PLD1: variants seen among roughly 807,000 people sequenced by gnomAD.
PLD1 encodes choline phosphatase 1.
In PLD1, 112 loss-of-function variants were observed where a neutral mutation model predicts 137.1. That is an observed-to-expected ratio of 0.82 (90% CI 0.70 to 0.96). The LOEUF (loss-of-function observed/expected upper bound fraction) is 0.96, where lower values mean the gene tolerates loss of function less well. Among genes scored for constraint, PLD1 ranks in the 40% least tolerant of loss-of-function variants. PLD1 has a pLI of 0.00. For synonymous variants in PLD1, 431 were observed against 454.7 expected, an observed-to-expected ratio of 0.95 and a Z score of 0.66; for missense variants, 1,321 against 1,342.0, an observed-to-expected ratio of 0.98 and a Z score of 0.24.
intron 1 of PLD1, chr3:171,792,380 G>A (rs896870373): frequency 2.8e-6 from 1 of 356,498 alleles, no homozygotes; most frequent in African/African-American, 2.1e-5. Context: ...CATATACTAA[G>A]AGTAGTGGGG....
chr3:171,707,998 A>G (rs927012308), intron 11 of PLD1, among the ~76,000 whole-genome samples: 3 of 152,260 alleles, frequency 2.0e-5, no homozygotes, highest in Admixed American at 1.3e-4. Flanking sequence ...AAAACCGGAT[A>G]GAGTAAAATA....
intron 1 of PLD1, among the ~76,000 whole-genome samples, chr3:171,761,279 A>G (rs2108307707): frequency 6.6e-6 from 1 of 152,226 alleles, no homozygotes. Context: ...CAAGTCACTC[A>G]CTTTCTAATA....
At chr3:171,615,374 G>A (rs1343483951) in intron 24 of PLD1, among the ~76,000 whole-genome samples, 1 of 152,048 alleles carries the variant, frequency 6.6e-6, no homozygotes, top group Non-Finnish European at 1.5e-5. Context: ...TGTGAATATG[G>A]CAAAATACAA....
intron 11 of PLD1, among the ~76,000 whole-genome samples, chr3:171,702,880 G>T (rs1321294818): frequency 1.3e-5 from 2 of 152,048 alleles, no homozygotes; most frequent in African/African-American, 4.8e-5. Context: ...ATTTAATGAG[G>T]TCAGCATTAT....
In PLD1 at chr3:171,743,156, G is replaced by A. The variant is rs190448145; in HGVS notation, c.-31-5074C>T. Among the ~76,000 whole-genome samples, 100 of 152,344 alleles carry A rather than the reference G, an allele frequency of 6.6e-4. 1 individual carries two copies. The highest frequency in any genetic ancestry group is 1.5e-4 in the Non-Finnish European group (10 of 68,028). On this transcript the variant is annotated intron_variant, in intron 1 of 26. Transcript: ENST00000351298. ...CTCATGCTTCCTCCCTTGGGAAGCT[G>A]TGAGGAGCAAATGTGATCATGGATA...
Position 171,612,411 on chromosome 3 carries a change from C to A in PLD1, c.2750G>T (p.Arg917Leu). 6.2e-7 allele frequency: 1 copy of A among 1,613,990 alleles called. No homozygotes were observed. Among genetic ancestry groups the A allele is most frequent in the East Asian group, 2.2e-5 (1 of 44,882 alleles). ...ACTGTCACGCTTTCCCAGCATGCTG[C>A]GGTCATTTATGTTGGCAGAGCCTGT... ...VIIGSANIND[R>L]SMLGKRDSEM... The change falls in exon 25 of 27, where the codon CGC becomes CTC. Residue 917 changes from arginine (R) to leucine (L), a missense_variant. By Grantham distance (102) the Arg-to-Leu change is moderately radical (BLOSUM62 -2). Transcript: ENST00000351298. The surrounding 1 kb of genome is among the most constrained non-coding windows in gnomAD (Gnocchi z 4.1).
At chr3:171,729,167 G>A (rs987880669) in intron 6 of PLD1, among the ~76,000 whole-genome samples, 2 of 152,136 alleles carry the variant, frequency 1.3e-5, no homozygotes, top group Admixed American at 1.3e-4. Flanking sequence ...ATTTCGCAGG[G>A]CTTATTCCAT....
chr3:171,616,964 T>C (rs1733165183), intron 24 of PLD1, among the ~76,000 whole-genome samples: 2 of 152,230 alleles, frequency 1.3e-5, no homozygotes, highest in South Asian at 4.1e-4. Context: ...CTGTCTTTTC[T>C]GCCTACTTGT....
intron 7 of PLD1, among the ~76,000 whole-genome samples, 200 bp downstream of exon 7, chr3:171,725,818 A>G (rs1002970687): frequency 1.3e-5 from 2 of 152,238 alleles, no homozygotes; most frequent in Middle Eastern, 3.2e-3. Flanking sequence ...TGACAAAGAC[A>G]GTGGAGCAGT....
chr3:171,710,876 T>TTTTTTTTC (rs1717154918), intron 9 of PLD1, among the ~76,000 whole-genome samples: 1 of 139,402 alleles, frequency 7.2e-6, no homozygotes, highest in African/African-American at 2.9e-5. Context: ...ACTGTTCTTT[T>TTTTTTTTC]TTTTTTTTTT....
Position 171,645,650 on chromosome 3 carries a change from C to T in PLD1, c.2430-627G>A, listed in dbSNP as rs568351776. On this transcript the variant is annotated intron_variant, in intron 21 of 26. Transcript: ENST00000351298. ...CTGTAATCCCAGCACTTTGGGAGTCCGTGGCAGGTGGACCACGAGGTCAAG... is the reference window on the plus strand; with the variant it reads ...CTGTAATCCCAGCACTTTGGGAGTCTGTGGCAGGTGGACCACGAGGTCAAG... Among the ~76,000 whole-genome samples the T allele has an allele frequency of 1.8e-4, 27 of 151,852 alleles. No homozygotes were observed. In the East Asian group the frequency reaches 4.5e-3, roughly 25 times the overall value.
intron 1 of PLD1, among the ~76,000 whole-genome samples, chr3:171,803,759 G>T (rs543244428): frequency 6.6e-6 from 1 of 152,242 alleles, no homozygotes; most frequent in East Asian, 1.9e-4. Context: ...TATCATGGCC[G>T]CTTCCAAGTT....
chr3:171,783,121 G>C (rs1473981278), intron 1 of PLD1, among the ~76,000 whole-genome samples: 1 of 152,066 alleles, frequency 6.6e-6, no homozygotes, highest in Non-Finnish European at 1.5e-5. Context: ...GGGATGTTAG[G>C]GGTTTGAGGA....
intron 6 of PLD1, among the ~76,000 whole-genome samples, chr3:171,730,418 AG>A (rs1578370890): frequency 6.6e-6 from 1 of 151,296 alleles, no homozygotes; most frequent in East Asian, 1.9e-4. Context: ...AACCACAAGA[AG>A]GAAAAAAAAA....
intron 1 of PLD1, among the ~76,000 whole-genome samples, chr3:171,808,211 CT>C (rs1469455919): frequency 4.6e-5 from 7 of 151,966 alleles, no homozygotes; most frequent in East Asian, 1.9e-4. Flanking sequence ...CATGTACCCC[CT>C]GTATCTAAAA....
chr3:171,782,392 G>A (rs1043609356), intron 1 of PLD1, among the ~76,000 whole-genome samples: 14 of 152,186 alleles, frequency 9.2e-5, no homozygotes, highest in African/African-American at 3.4e-4. Context: ...GCATTTCAGT[G>A]TATATAAATT....
chr3:171,749,768 T>C (rs2108288424), intron 1 of PLD1, among the ~76,000 whole-genome samples: 1 of 152,176 alleles, frequency 6.6e-6, no homozygotes, highest in Middle Eastern at 3.4e-3. Context: ...AGGCCAGAAA[T>C]CCTAGAAAGG....
At chr3:171,719,927 T>C (rs1241712253) in intron 8 of PLD1, among the ~76,000 whole-genome samples, 1 of 152,174 alleles carries the variant, frequency 6.6e-6, no homozygotes, top group African/African-American at 2.4e-5. Context: ...AGAATGTATT[T>C]TTATGGGTAC....
At chr3:171,748,973 T>C (rs1258553207) in intron 1 of PLD1, among the ~76,000 whole-genome samples, 2 of 151,596 alleles carry the variant, frequency 1.3e-5, no homozygotes, top group East Asian at 3.8e-4. Context: ...CAGCAACAGT[T>C]GGATTTGGGA....
Sources: gnomAD v4.1 joint callset for allele counts (sites outside exome capture counted in the v4.1 genomes callset) on GRCh38, gnomAD v4.1.1 for gene constraint, Gnocchi (gnomAD v3.1) non-coding constraint, MANE v1.5 for transcripts, NCBI Gene and HGNC (gene_info 2026-07-23, HGNC 2026-07-21) for gene names.